Variants in LDLRAD3 observed in about 807,000 individuals in gnomAD.
The protein encoded by LDLRAD3 is low density lipoprotein receptor class A domain containing 3, also known as low-density lipoprotein receptor class A domain-containing protein 3.
Under a neutral mutation model 29.4 loss-of-function variants are expected in LDLRAD3, and 20 were observed. That is an observed-to-expected ratio of 0.68 (90% confidence interval 0.48 to 0.99). The LOEUF is 0.99. Among genes scored for constraint, LDLRAD3 ranks in the 50% least tolerant of loss-of-function variants. The pLI, the probability that LDLRAD3 is intolerant of heterozygous loss-of-function variation, is 0.00. For missense variants in LDLRAD3, 420 were observed against 454.3 expected (o/e 0.92, Z 0.69); for synonymous variants, 157 against 192.7 (o/e 0.81, Z 1.53).
intron 1 of LDLRAD3, among the ~76,000 whole-genome samples, chr11:36,032,970 G>A (rs1020939049): frequency 6.6e-6 from 1 of 151,916 alleles, no homozygotes; most frequent in Non-Finnish European, 1.5e-5. Flanking sequence ...TGCCTCCCGG[G>A]TTCAAGCGAT....
chr11:35,976,456 T>C (rs1448207333), intron 1 of LDLRAD3, among the ~76,000 whole-genome samples: 2 of 152,044 alleles, frequency 1.3e-5, no homozygotes, highest in African/African-American at 4.8e-5. Context: ...CTAGGTGGCC[T>C]CCGAAGGAGA....
intron 4 of LDLRAD3, among the ~76,000 whole-genome samples, chr11:36,117,491 T>C (rs1373134201): frequency 6.6e-6 from 1 of 152,236 alleles, no homozygotes; most frequent in Admixed American, 6.5e-5. Flanking sequence ...CATTTTCATT[T>C]CCACCACTGT....
chr11:35,951,950 A>T (rs1454190875), intron 1 of LDLRAD3, among the ~76,000 whole-genome samples: 1 of 152,246 alleles, frequency 6.6e-6, no homozygotes, highest in African/African-American at 2.4e-5. Context: ...CAGAGATGTT[A>T]CAACATCAAA....
At chr11:36,034,502 C>A (rs1429869019) in intron 1 of LDLRAD3, among the ~76,000 whole-genome samples, 1 of 152,218 alleles carries the variant, frequency 6.6e-6, no homozygotes, top group African/African-American at 2.4e-5. Flanking sequence ...AGTTTCTCTC[C>A]TGGAGTTCTC....
At chr11:36,208,943 T>C (rs1409618293) in intron 4 of LDLRAD3, among the ~76,000 whole-genome samples, 1 of 152,240 alleles carries the variant, frequency 6.6e-6, no homozygotes, top group East Asian at 1.9e-4. Flanking sequence ...ATAGTAACTT[T>C]GCAGTGAAGA....
intron 4 of LDLRAD3, among the ~76,000 whole-genome samples, chr11:36,110,859 T>TC (rs1462853474): frequency 3.9e-5 from 6 of 152,172 alleles, no homozygotes; most frequent in African/African-American, 1.4e-4. Flanking sequence ...TGACAGTTTT[T>TC]CCTAGGGGGA....
At chr11:36,040,628 A>G (rs937110333) in intron 2 of LDLRAD3, among the ~76,000 whole-genome samples, 1 of 152,122 alleles carries the variant, frequency 6.6e-6, no homozygotes, top group Non-Finnish European at 1.5e-5. Flanking sequence ...AACAGTGCTC[A>G]CTTGTGAACA....
At chr11:35,999,265 G>A (rs12274495) in intron 1 of LDLRAD3, among the ~76,000 whole-genome samples, 1 of 152,186 alleles carries the variant, frequency 6.6e-6, no homozygotes, top group African/African-American at 2.4e-5. Flanking sequence ...TGTTATAAAA[G>A]AGGTGCAGGA....
chr11:36,101,173 GC>G lies in LDLRAD3; in HGVS notation c.454+2713del, dbSNP rs1853441424. ...GCTCCCAGAAAATAAGGCCCACCAG[GC>G]AGTTGCTGACACCTGTCAGTTTCAT... On this transcript the variant is annotated intron_variant, in intron 4 of 5. Coordinates refer to ENST00000315571, the MANE Select transcript of LDLRAD3 (RefSeq NM_174902.4). Among the ~76,000 whole-genome samples the G allele has an allele frequency of 2.6e-5, 4 of 152,128 alleles. No individual in the cohort carries two copies. The South Asian group carries it at 8.3e-4, about 31-fold the overall frequency.
chr11:35,960,744 G>A (rs934169991), intron 1 of LDLRAD3, among the ~76,000 whole-genome samples: 3 of 152,154 alleles, frequency 2.0e-5, no homozygotes, highest in South Asian at 2.1e-4. Flanking sequence ...TTATAGGCTT[G>A]TGTTCCCACA....
intron 4 of LDLRAD3, among the ~76,000 whole-genome samples, chr11:36,129,593 A>T (rs1450836296): frequency 1.3e-5 from 2 of 152,340 alleles, no homozygotes; most frequent in Middle Eastern, 3.4e-3. Flanking sequence ...CGGGAGCCAC[A>T]GGCATGACTT....
At chr11:36,014,208 G>A (rs763343385) in intron 1 of LDLRAD3, among the ~76,000 whole-genome samples, 1 of 152,208 alleles carries the variant, frequency 6.6e-6, no homozygotes, top group Non-Finnish European at 1.5e-5. Context: ...GAGGTGTCTG[G>A]AGATGGAGTT....
At chr11:36,085,392 G>T (rs1328077638) in intron 3 of LDLRAD3, among the ~76,000 whole-genome samples, 1 of 149,828 alleles carries the variant, frequency 6.7e-6, no homozygotes, top group African/African-American at 2.5e-5. Context: ...AGATCATAGC[G>T]TGTCTGGGTA....
At chr11:35,987,964 C>T (rs140789259) in intron 1 of LDLRAD3, among the ~76,000 whole-genome samples, 2 of 152,262 alleles carry the variant, frequency 1.3e-5, no homozygotes, top group African/African-American at 4.8e-5. Flanking sequence ...GTCATTCTGA[C>T]GGGTATGAGA....
At chr11:36,101,151 C>T (rs1166212803) in intron 4 of LDLRAD3, among the ~76,000 whole-genome samples, 1 of 152,100 alleles carries the variant, frequency 6.6e-6, no homozygotes, top group Non-Finnish European at 1.5e-5. Context: ...TGCACGTGCT[C>T]CCAGAAAATA....
At chr11:36,101,806 A>G (rs1003719257) in intron 4 of LDLRAD3, 1 of 262,366 alleles carries the variant, frequency 3.8e-6, no homozygotes, top group South Asian at 3.2e-5. Flanking sequence ...TCTATGCAGT[A>G]TTTTCCTGAA....
chr11:36,133,687 C>T (rs1001655994), intron 4 of LDLRAD3, among the ~76,000 whole-genome samples: 10 of 151,686 alleles, frequency 6.6e-5, no homozygotes, highest in Non-Finnish European at 1.3e-4. Flanking sequence ...GCGCCTGCCA[C>T]CACGCCTGGC....
chr11:36,108,455 C>T (rs1304554141), intron 4 of LDLRAD3, among the ~76,000 whole-genome samples: 1 of 151,176 alleles, frequency 6.6e-6, no homozygotes, highest in Non-Finnish European at 1.5e-5. Context: ...TCTAATAGAG[C>T]TCATATTCTA....
intron 3 of LDLRAD3, among the ~76,000 whole-genome samples, chr11:36,089,215 A>G (rs553897110): frequency 2.6e-5 from 4 of 152,324 alleles, no homozygotes; most frequent in African/African-American, 7.2e-5. Context: ...TACCTTGTGT[A>G]TGGCCTGTTT....
Sources: allele counts gnomAD v4.1 joint callset (sites outside exome capture counted in the v4.1 genomes callset), GRCh38; gene constraint gnomAD v4.1.1; transcripts MANE v1.5; gene names NCBI Gene and HGNC (gene_info 2026-07-23, HGNC 2026-07-21).